The following GALNT9 variants were observed in gnomAD, a reference collection of about 807,000 sequenced individuals.
GALNT9 encodes polypeptide N-acetylgalactosaminyltransferase 9.
Under a neutral mutation model 63.1 loss-of-function variants are expected in GALNT9, and 47 were observed. The ratio of observed to expected loss-of-function variants is 0.75; its 90% CI spans 0.59 to 0.95. GALNT9 has a LOEUF of 0.95. Ranked by LOEUF, GALNT9 falls within the 40% of genes least tolerant of loss-of-function variation. GALNT9 has a pLI of 0.00. For missense variants in GALNT9, 829 were observed against 874.8 expected, an observed-to-expected ratio of 0.95 and a Z score of 0.66; for synonymous variants, 396 against 365.7, an observed-to-expected ratio of 1.08 and a Z score of -0.94.
In GALNT9 at chr12:132,329,333, C is replaced by A; in HGVS notation, c.-130G>T. ...CGGGGGCTGCGGGGCTCGGCCGGAG[C>A]TGTCCCTTCAGCACCAGCTCAGCGC... On this transcript the variant is annotated 5_prime_UTR_variant, in exon 1 of 11. Coordinates refer to ENST00000328957, the MANE Select transcript of GALNT9 (RefSeq NM_001122636.2). 7.3e-7 allele frequency: 1 copy of A among 1,360,860 alleles called. No homozygotes were observed. The allele number at this position is 1,360,860 out of a possible 1,614,324, so 84.3% of individuals were successfully genotyped here. A position where few individuals can be genotyped will look rare whatever the true frequency, so the allele number is the denominator to read the frequency against.
At chr12:132,256,576 A>G (rs1396370429) in intron 5 of GALNT9, among the ~76,000 whole-genome samples, 2 of 117,256 alleles carry the variant, frequency 1.7e-5, no homozygotes, top group Non-Finnish European at 3.6e-5. Flanking sequence ...CACGGGGGAC[A>G]CTGGAGGGGA....
chr12:132,327,088 A>G lies in GALNT9; in HGVS notation c.238+1878T>C, dbSNP rs1869067749. On this transcript the variant is annotated intron_variant, in intron 1 of 10. Transcript: ENST00000328957. This position sits in a 1 kb window ranked among gnomAD's most constrained non-coding sequence, Gnocchi z 4.3. ...GGGGACGAAACTCGGCCTCATCAAA[A>G]GGTTGAGGGCAAAGACAGAGGCAGA... 1.3e-5 allele frequency among the ~76,000 whole-genome samples: 2 copies of G among 152,210 alleles called. No homozygotes were observed. Among genetic ancestry groups the G allele is most frequent in the African/African-American group, 4.8e-5 (2 of 41,462 alleles).
At chr12:132,216,302 G>A (rs191814419) in intron 6 of GALNT9, among the ~76,000 whole-genome samples, 1 of 152,336 alleles carries the variant, frequency 6.6e-6, no homozygotes, top group East Asian at 1.9e-4. Context: ...CAGAGAGACA[G>A]AGAGAGGGGC....
chr12:132,237,407 CCA>C (rs1555236418), intron 6 of GALNT9, among the ~76,000 whole-genome samples: 1 of 151,670 alleles, frequency 6.6e-6, no homozygotes, highest in African/African-American at 2.4e-5. Flanking sequence ...TCACACCTGC[CCA>C]AACACCTGCC....
intron 6 of GALNT9, among the ~76,000 whole-genome samples, chr12:132,215,760 C>T (rs139953267): frequency 1.2e-4 from 19 of 152,282 alleles, no homozygotes; most frequent in African/African-American, 4.3e-4. Context: ...TGGGCATGGG[C>T]GGGGGGCAGC....
rs1435435204 is a variant in GALNT9, at chr12:132,196,508, T to G, written c.*599A>C. On this transcript the variant is annotated 3_prime_UTR_variant, in exon 11 of 11. Transcript: ENST00000328957. ...GCTCCCAGGAAGACACACACAGTGCTGCTGCCTAATCCTCTCTTTATTTGG... is the reference window on the plus strand; with the variant it reads ...GCTCCCAGGAAGACACACACAGTGCGGCTGCCTAATCCTCTCTTTATTTGG... 1.0e-6 allele frequency: 1 copy of G among 985,432 alleles called. No homozygotes were observed. Among genetic ancestry groups the G allele is most frequent in the African/African-American group, 1.7e-5 (1 of 57,246 alleles). The allele number at this position is 985,432 out of a possible 1,614,324, so 61.0% of individuals were successfully genotyped here.
chr12:132,287,434 G>A (rs1880644004), intron 1 of GALNT9, among the ~76,000 whole-genome samples: 1 of 152,212 alleles, frequency 6.6e-6, no homozygotes. Context: ...CCATCCGCCT[G>A]TGTAACTTGA....
intron 5 of GALNT9, among the ~76,000 whole-genome samples, chr12:132,251,052 T>G (rs115712485): frequency 0.012 from 1,835 of 151,954 alleles, 31 homozygotes; most frequent in African/African-American, 0.042. Context: ...CCACACGGAG[T>G]TTGGAACACG....
At chr12:132,300,994 A>G (rs1299021656) in intron 1 of GALNT9, among the ~76,000 whole-genome samples, 3 of 152,402 alleles carry the variant, frequency 2.0e-5, no homozygotes, top group African/African-American at 7.2e-5. Flanking sequence ...TTCACAGCAC[A>G]GCACTGACCG....
At chr12:132,241,178 A>G (rs2136900936) in intron 6 of GALNT9, among the ~76,000 whole-genome samples, 84 of 75,724 alleles carry the variant, frequency 1.1e-3, no homozygotes, top group Admixed American at 2.7e-3. Context: ...CCCCCTTCCC[A>G]GGGCCCTCCC....
intron 2 of GALNT9, chr12:132,274,731 G>A (rs1289880063): frequency 6.6e-6 from 1 of 152,186 alleles, no homozygotes; most frequent in Non-Finnish European, 1.5e-5. Context: ...TCTAAGTTGT[G>A]GCTTGGGCTG....
chr12:132,212,977 C>G (rs546575898), intron 6 of GALNT9, among the ~76,000 whole-genome samples: 17 of 147,364 alleles, frequency 1.2e-4, no homozygotes, highest in African/African-American at 4.3e-4. Flanking sequence ...GAAACCCCAC[C>G]CGGGTCTACA....
At chr12:132,294,377 C>T (rs1420630544) in intron 1 of GALNT9, among the ~76,000 whole-genome samples, 8 of 152,240 alleles carry the variant, frequency 5.3e-5, no homozygotes, top group Admixed American at 4.6e-4. Context: ...GCTTCTCAAA[C>T]CCAGCTGTAT....
intron 2 of GALNT9, chr12:132,280,166 C>T (rs1880281532): frequency 6.6e-6 from 1 of 152,290 alleles, no homozygotes; most frequent in Non-Finnish European, 1.5e-5. Flanking sequence ...TAGATCAAGC[C>T]ATGCCTGAAG....
At chr12:132,209,993 C>T (rs978220938) in intron 6 of GALNT9, among the ~76,000 whole-genome samples, 1 of 152,210 alleles carries the variant, frequency 6.6e-6, no homozygotes, top group African/African-American at 2.4e-5. Flanking sequence ...CTGCCTTGTA[C>T]AAGATCCAAG....
chr12:132,266,397 C>T (rs1474218218), intron 2 of GALNT9, among the ~76,000 whole-genome samples: 1 of 152,242 alleles, frequency 6.6e-6, no homozygotes, highest in Non-Finnish European at 1.5e-5. Context: ...AGAACCTGAC[C>T]CAGCCACCCA....
intron 6 of GALNT9, among the ~76,000 whole-genome samples, chr12:132,209,955 A>C (rs1876882326): frequency 6.6e-6 from 1 of 152,122 alleles, no homozygotes; most frequent in Admixed American, 6.5e-5. Flanking sequence ...ACTTGCTTTC[A>C]CTTTACTCTG....
At chr12:132,226,335 A>G (rs1338117357) in intron 6 of GALNT9, among the ~76,000 whole-genome samples, 3 of 148,332 alleles carry the variant, frequency 2.0e-5, no homozygotes, top group Non-Finnish European at 4.5e-5. Flanking sequence ...TACACCTCAC[A>G]CATACATCCC....
chr12:132,329,295 C>T lies in GALNT9; in HGVS notation c.-92G>A. The T allele has an allele frequency of 2.1e-6, 3 of 1,456,380 alleles. No individual in the cohort carries two copies. In the African/African-American group the frequency reaches 4.3e-5, roughly 21 times the overall value. 90.2% of individuals were successfully genotyped at this position (1,456,380 alleles called of 1,614,324 possible). A position where few individuals can be genotyped will look rare whatever the true frequency, so the allele number is the denominator to read the frequency against. The stretch of plus-strand genomic sequence containing the variant: ...CAGCTTCGGCTTCGGGGACCATGAG[C>T]CGCCCGGGGCTGCGGGGGCTGCGGG... On this transcript the variant is annotated 5_prime_UTR_variant, in exon 1 of 11. Coordinates refer to ENST00000328957, the MANE Select transcript of GALNT9 (RefSeq NM_001122636.2).
Sources: gnomAD v4.1 joint callset for allele counts (sites outside exome capture counted in the v4.1 genomes callset) on GRCh38, gnomAD v4.1.1 for gene constraint, Gnocchi (gnomAD v3.1) non-coding constraint, MANE v1.5 for transcripts, NCBI Gene and HGNC (gene_info 2026-07-23, HGNC 2026-07-21) for gene names.